Variants in SLC35F3 observed in about 807,000 individuals in gnomAD.
SLC35F3 encodes the protein solute carrier family 35 member F3, also known as putative thiamine transporter SLC35F3.
In SLC35F3, 25 loss-of-function variants were observed where a neutral mutation model predicts 49.9. The observed-to-expected ratio is 0.50, with a 90% CI of 0.37 to 0.70. The LOEUF (loss-of-function observed/expected upper bound fraction) is 0.70. SLC35F3 is among the 30% of genes least tolerant of loss of function. The pLI, the probability that SLC35F3 is intolerant of heterozygous loss-of-function variation, is 0.00. For synonymous variants in SLC35F3, 275 were observed against 265.4 expected, an observed-to-expected ratio of 1.04 and a Z score of -0.35; for missense variants, 525 against 639.8, an observed-to-expected ratio of 0.82 and a Z score of 1.94.
At chr1:233,914,400 C>G (rs1216202563) in intron 2 of SLC35F3, among the ~76,000 whole-genome samples, 2 of 152,120 alleles carry the variant, frequency 1.3e-5, no homozygotes, top group African/African-American at 4.8e-5. Flanking sequence ...GCCTGTTTCC[C>G]TCCTACATCA....
intron 2 of SLC35F3, among the ~76,000 whole-genome samples, chr1:233,997,217 C>T (rs187965083): frequency 7.2e-4 from 110 of 152,168 alleles, no homozygotes; most frequent in Middle Eastern, 3.4e-3. Flanking sequence ...TGAACATGGG[C>T]GTGCAGACAT....
At chr1:234,036,337 A>T (rs1664142078) in intron 2 of SLC35F3, among the ~76,000 whole-genome samples, 1 of 152,176 alleles carries the variant, frequency 6.6e-6, no homozygotes, top group Non-Finnish European at 1.5e-5. Context: ...AGTCACTGAG[A>T]TTACAGGCAT....
intron 2 of SLC35F3, among the ~76,000 whole-genome samples, chr1:234,155,618 T>C (rs1666140050): frequency 6.6e-6 from 1 of 151,934 alleles, no homozygotes; most frequent in African/African-American, 2.4e-5. Context: ...GTTAAAATAA[T>C]GTTACTACCT....
chr1:233,921,982 G>T (rs1571980254), intron 2 of SLC35F3, among the ~76,000 whole-genome samples: 1 of 152,128 alleles, frequency 6.6e-6, no homozygotes, highest in Non-Finnish European at 1.5e-5. Context: ...TCATCCTTTT[G>T]TATGGCTGCA....
chr1:233,917,183 C>T (rs1661987247), intron 2 of SLC35F3, among the ~76,000 whole-genome samples: 1 of 152,122 alleles, frequency 6.6e-6, no homozygotes, highest in Admixed American at 6.5e-5. Flanking sequence ...TCTCACAGGT[C>T]CCGTAAATGT....
Position 233,905,014 on chromosome 1 carries a change from A to C in SLC35F3, c.-64A>C. ...TCTTCCCAGGCTAGCGGCTGCAGGG[A>C]GCTCCGGCCCGCGGCCCCTCCGCCT... On this transcript the variant is annotated 5_prime_UTR_variant, in exon 1 of 8. Transcript: ENST00000366618. The C allele has an allele frequency of 2.6e-6, 4 of 1,513,606 alleles. No homozygotes were observed. Among genetic ancestry groups the C allele is most frequent in the Non-Finnish European group, 3.6e-6 (4 of 1,116,952 alleles). 93.8% of individuals were successfully genotyped at this position (1,513,606 alleles called of 1,614,324 possible). A position where few individuals can be genotyped will look rare whatever the true frequency, so the allele number is the denominator to read the frequency against.
chr1:234,315,441 T>C (rs1272667884), intron 4 of SLC35F3, among the ~76,000 whole-genome samples: 1 of 152,206 alleles, frequency 6.6e-6, no homozygotes, highest in African/African-American at 2.4e-5. Context: ...AAGCACCAAC[T>C]TTGCAATTAG....
At chr1:234,286,860 A>T (rs1342886368) in intron 3 of SLC35F3, among the ~76,000 whole-genome samples, 1 of 152,158 alleles carries the variant, frequency 6.6e-6, no homozygotes, top group East Asian at 1.9e-4. Flanking sequence ...GTTAGTTCAA[A>T]AATAAATAAA....
intron 2 of SLC35F3, among the ~76,000 whole-genome samples, chr1:234,194,841 A>G (rs1181251851): frequency 6.6e-6 from 1 of 151,852 alleles, no homozygotes; most frequent in Non-Finnish European, 1.5e-5. Context: ...TGGGTTTTTA[A>G]CCCATGTTCC....
intron 4 of SLC35F3, among the ~76,000 whole-genome samples, chr1:234,310,186 G>A (rs1657311213): frequency 6.6e-6 from 1 of 152,134 alleles, no homozygotes; most frequent in Non-Finnish European, 1.5e-5. Context: ...AGCGCCGAGA[G>A]CATTTAGCCA....
chr1:234,014,151 G>A (rs1663766789), intron 2 of SLC35F3, among the ~76,000 whole-genome samples: 1 of 152,046 alleles, frequency 6.6e-6, no homozygotes, highest in Non-Finnish European at 1.5e-5. Context: ...TAATCAAGTG[G>A]GATTTATTCC....
intron 2 of SLC35F3, among the ~76,000 whole-genome samples, chr1:233,995,735 C>A (rs981075777): frequency 1.3e-5 from 2 of 152,140 alleles, no homozygotes; most frequent in African/African-American, 4.8e-5. Flanking sequence ...TGCATCTGGG[C>A]ACCCCATTGT....
chr1:234,260,947 C>A (rs1667895197), intron 3 of SLC35F3, among the ~76,000 whole-genome samples: 1 of 152,148 alleles, frequency 6.6e-6, no homozygotes, highest in Admixed American at 6.5e-5. Flanking sequence ...AACATCAAAA[C>A]AGGTATGAGC....
At chr1:233,908,635 G>A (rs185902475) in intron 2 of SLC35F3, among the ~76,000 whole-genome samples, 14 of 143,786 alleles carry the variant, frequency 9.7e-5, no homozygotes, top group South Asian at 2.3e-4. Context: ...TCCACCTCCC[G>A]GGTTCAAGCG....
chr1:234,074,815 C>G (rs1239805741), intron 2 of SLC35F3, among the ~76,000 whole-genome samples: 1 of 152,186 alleles, frequency 6.6e-6, no homozygotes, highest in African/African-American at 2.4e-5. Context: ...GGAAAAGCAA[C>G]TGGTAGCCAC....
chr1:233,936,121 G>T (rs953428765), intron 2 of SLC35F3, among the ~76,000 whole-genome samples: 1 of 152,150 alleles, frequency 6.6e-6, no homozygotes, highest in Non-Finnish European at 1.5e-5. Context: ...TTTGTTTTTG[G>T]TGCTGGTAAA....
At chr1:234,144,513 T>G (rs560305404) in intron 2 of SLC35F3, among the ~76,000 whole-genome samples, 3 of 152,372 alleles carry the variant, frequency 2.0e-5, no homozygotes, top group African/African-American at 7.2e-5. Context: ...CATGTGTGTC[T>G]TTGCTGTTTG....
intron 2 of SLC35F3, among the ~76,000 whole-genome samples, chr1:234,073,717 T>C (rs1185814219): frequency 1.3e-5 from 2 of 152,226 alleles, no homozygotes; most frequent in Middle Eastern, 3.2e-3. Flanking sequence ...ATTGTCCATA[T>C]AAAATAAAAA....
chr1:233,935,676 T>G (rs2102796027), intron 2 of SLC35F3, among the ~76,000 whole-genome samples: 1 of 152,326 alleles, frequency 6.6e-6, no homozygotes, highest in African/African-American at 2.4e-5. Context: ...AGGCTCTTTC[T>G]GTCTCTTGCC....
Sources: gnomAD v4.1 joint callset for allele counts (sites outside exome capture counted in the v4.1 genomes callset) on GRCh38, gnomAD v4.1.1 for gene constraint, MANE v1.5 for transcripts, NCBI Gene and HGNC (gene_info 2026-07-23, HGNC 2026-07-21) for gene names.